Variants in CNNM2 observed in about 807,000 individuals in gnomAD.
The protein encoded by CNNM2 is metal transporter CNNM2.
A neutral mutation model predicts 66.9 loss-of-function variants in CNNM2; 12 were observed. The ratio of observed to expected loss-of-function variants is 0.18; its 90% CI spans 0.11 to 0.29. The LOEUF (loss-of-function observed/expected upper bound fraction) is 0.29, where lower values mean the gene tolerates loss of function less well. CNNM2 is among the 10% of genes least tolerant of loss of function. The pLI is 1.00. For missense variants in CNNM2, 705 were observed against 1,167.7 expected, an observed-to-expected ratio of 0.60 and a Z score of 5.77; for synonymous variants, 557 against 501.8, an observed-to-expected ratio of 1.11 and a Z score of -1.47.
At chr10:102,989,996 G>A (rs1021324048) in intron 1 of CNNM2, among the ~76,000 whole-genome samples, 4 of 149,502 alleles carry the variant, frequency 2.7e-5, no homozygotes, top group African/African-American at 9.9e-5. Context: ...CCAGGCTGCA[G>A]TGCAGTGGTG....
rs1176650735 is a variant in CNNM2, at chr10:103,066,808, G to A, written c.2074-1821G>A. On this transcript the variant is annotated intron_variant, in intron 4 of 7. Coordinates refer to ENST00000369878, the MANE Select transcript of CNNM2 (RefSeq NM_017649.5). ...CCTGTCCCTGCTGCATGGTCAGCCC[G>A]TGGGGGATGACGGCTGTCATCTCCG... Among the ~76,000 whole-genome samples the A allele has an allele frequency of 3.9e-5, 6 of 152,322 alleles. 1 individual carries two copies. The highest frequency in any genetic ancestry group is 4.1e-4 in the South Asian group (2 of 4,826).
intron 1 of CNNM2, among the ~76,000 whole-genome samples, chr10:103,014,462 G>A (rs550735251): frequency 3.9e-5 from 6 of 152,212 alleles, no homozygotes; most frequent in African/African-American, 9.6e-5. Flanking sequence ...ACAAAAATTC[G>A]AGTAACTTGC....
chr10:102,918,792 G>A lies in CNNM2; in HGVS notation c.312G>A (p.Arg104=). 6.2e-7 allele frequency: 1 copy of A among 1,600,344 alleles called. No individual in the cohort carries two copies. Among genetic ancestry groups the A allele is most frequent in the African/African-American group, 1.3e-5 (1 of 74,594 alleles). The change falls in exon 1 of 8, where the codon CGG becomes CGA. Residue 104 remains arginine (R), a synonymous_variant. Transcript: ENST00000369878. This position sits in a 1 kb window ranked among gnomAD's most constrained non-coding sequence, Gnocchi z 4.1. Reference sequence around the variant, plus strand: ...GCGAACGGACCCGGGTCAAGCTGCGGGTGTACGGGCAGAACATCAATAACG... The same window carrying A: ...GCGAACGGACCCGGGTCAAGCTGCGAGTGTACGGGCAGAACATCAATAACG... ...RVSERTRVKL[R]VYGQNINNET... is the part of the protein sequence containing the mutation.
intron 1 of CNNM2, among the ~76,000 whole-genome samples, chr10:103,040,243 C>G (rs1321241747): frequency 2.0e-5 from 3 of 151,792 alleles, no homozygotes; most frequent in Non-Finnish European, 2.9e-5. Flanking sequence ...AAGATAATTT[C>G]TACTTTTGGG....
chr10:102,994,239 A>G (rs1436017774), intron 1 of CNNM2, among the ~76,000 whole-genome samples: 1 of 152,228 alleles, frequency 6.6e-6, no homozygotes, highest in Non-Finnish European at 1.5e-5. Flanking sequence ...ACCCGGCTCA[A>G]AATCTTAACT....
chr10:102,924,202 TTG>T, intron 1 of CNNM2, among the ~76,000 whole-genome samples: 1 of 152,130 alleles, frequency 6.6e-6, no homozygotes, highest in Non-Finnish European at 1.5e-5. Context: ...GCTGCCACCT[TTG>T]TGTGTGGAAA....
chr10:102,996,058 G>A (rs1046823744), intron 1 of CNNM2, among the ~76,000 whole-genome samples: 1 of 152,148 alleles, frequency 6.6e-6, no homozygotes, highest in Non-Finnish European at 1.5e-5. Context: ...CAATTTGTGT[G>A]TATAGAATTA....
intron 6 of CNNM2, among the ~76,000 whole-genome samples, chr10:103,073,531 G>A (rs1187650487): frequency 2.0e-5 from 3 of 152,144 alleles, no homozygotes; most frequent in South Asian, 2.1e-4. Flanking sequence ...TGGGGTGGGC[G>A]CATGGTGGCA....
At position 103,035,227 on chromosome 10, in the gene CNNM2, G is replaced by C. The variant is rs12252500; in HGVS notation, c.1622-14480G>C. Reference sequence around the variant, plus strand: ...TTTATCATTCTTATAAACGCTGCAGGCCTAAAGGAAAGACAGAAATAGTCT... The same window carrying C: ...TTTATCATTCTTATAAACGCTGCAGCCCTAAAGGAAAGACAGAAATAGTCT... On this transcript the variant is annotated intron_variant, in intron 1 of 7. Transcript: ENST00000369878. Among the ~76,000 whole-genome samples the C allele has an allele frequency of 0.1, 15,903 of 152,150 alleles. 852 individuals are homozygous for C. The highest frequency in any genetic ancestry group is 0.18 in the Middle Eastern group (52 of 292).
Position 103,018,740 on chromosome 10 carries a change from C to A in CNNM2, c.1622-30967C>A, listed in dbSNP as rs991257627. ...AGTCTCCCTCTTGCACTCACTGCAA[C>A]CTCCAACTCTCGGGTTCAAGTGATT... On this transcript the variant is annotated intron_variant, in intron 1 of 7. Transcript: ENST00000369878. 9.2e-5 allele frequency among the ~76,000 whole-genome samples: 13 copies of A among 141,622 alleles called. No homozygotes were observed. The East Asian group carries it at 2.7e-3, about 30-fold the overall frequency. The allele number at this position is 141,622 out of a possible 152,430, so 92.9% of individuals were successfully genotyped here.
At chr10:103,046,655 AAAAC>A (rs568577538) in intron 1 of CNNM2, among the ~76,000 whole-genome samples, 45 of 152,344 alleles carry the variant, frequency 3.0e-4, no homozygotes, top group African/African-American at 5.3e-4. Flanking sequence ...AATATTTTCT[AAAAC>A]AAACAGTAGA....
rs67908413 is a variant in CNNM2 at position 103,005,232 on chromosome 10, T to C, written c.1622-44475T>C. 0.4 allele frequency among the ~76,000 whole-genome samples: 61,331 copies of C among 151,952 alleles called. 12,557 individuals are homozygous for C. Among genetic ancestry groups the C allele is most frequent in the East Asian group, 0.49 (2,506 of 5,164 alleles). Reference sequence around the variant, plus strand: ...TCTGGCCTAATTTCTTTCAGTAATATTTCTAGTTTTCTGTATAGAGATTTT... The same window carrying C: ...TCTGGCCTAATTTCTTTCAGTAATACTTCTAGTTTTCTGTATAGAGATTTT... On this transcript the variant is annotated intron_variant, in intron 1 of 7. Transcript: ENST00000369878.
chr10:102,956,244 C>T (rs571300786), intron 1 of CNNM2, among the ~76,000 whole-genome samples: 19 of 149,610 alleles, frequency 1.3e-4, no homozygotes, highest in African/African-American at 3.0e-4. Flanking sequence ...GCTGAAATCG[C>T]GCCACTTCAC....
chr10:103,013,608 G>A (rs1475308485), intron 1 of CNNM2, among the ~76,000 whole-genome samples: 3 of 152,158 alleles, frequency 2.0e-5, no homozygotes, highest in African/African-American at 7.2e-5. Context: ...TATCCAAGCC[G>A]AAAACTGTGA....
chr10:103,057,059 CTTT>C, intron 4 of CNNM2, 95 bp downstream of exon 4: 1 of 1,238,598 alleles, frequency 8.1e-7, no homozygotes, highest in Non-Finnish European at 1.1e-6. Flanking sequence ...CATACTGAAC[CTTT>C]CTATAGGGGG....
intron 4 of CNNM2, among the ~76,000 whole-genome samples, chr10:103,062,948 G>A (rs2065413269): frequency 6.6e-6 from 1 of 152,212 alleles, no homozygotes; most frequent in Non-Finnish European, 1.5e-5. Flanking sequence ...GAATGCTTCA[G>A]TAGGTCTGGG....
intron 1 of CNNM2, among the ~76,000 whole-genome samples, chr10:102,934,007 C>CTTT (rs34063291): frequency 7.4e-6 from 1 of 135,250 alleles, no homozygotes; most frequent in Non-Finnish European, 1.6e-5. Flanking sequence ...CTTATTTTAA[C>CTTT]TTTTTTTTTT....
At chr10:102,932,059 T>A (rs1846082393) in intron 1 of CNNM2, among the ~76,000 whole-genome samples, 1 of 152,170 alleles carries the variant, frequency 6.6e-6, no homozygotes, top group Admixed American at 6.6e-5. Context: ...TAAGAGTTCT[T>A]TTTATATTCT....
chr10:102,918,304 T>G lies in CNNM2; in HGVS notation c.-177T>G. On this transcript the variant is annotated 5_prime_UTR_variant, in exon 1 of 8. Transcript: ENST00000369878. This position sits in a 1 kb window ranked among gnomAD's most constrained non-coding sequence, Gnocchi z 4.1. Reference sequence around the variant, plus strand: ...AGCCGGCGCTCCTCTCCCTCCCTCTTTCCCTCCCGCGAGCCTCGGGGTTCC... The same window carrying G: ...AGCCGGCGCTCCTCTCCCTCCCTCTGTCCCTCCCGCGAGCCTCGGGGTTCC... The G allele has an allele frequency of 8.8e-7, 1 of 1,133,974 alleles. No individual in the cohort carries two copies. The highest frequency in any genetic ancestry group is 1.6e-5 in the African/African-American group (1 of 61,072). 70.2% of individuals were successfully genotyped at this position (1,133,974 alleles called of 1,614,324 possible).
Sources: allele counts gnomAD v4.1 joint callset (sites outside exome capture counted in the v4.1 genomes callset), GRCh38; gene constraint gnomAD v4.1.1; non-coding constraint Gnocchi (gnomAD v3.1); transcripts MANE v1.5; gene names NCBI Gene and HGNC (gene_info 2026-07-23, HGNC 2026-07-21).